The following DLST variants were observed in gnomAD, a reference collection of about 807,000 sequenced individuals.
DLST encodes the protein dihydrolipoyllysine-residue succinyltransferase component of 2-oxoglutarate dehydrogenase complex, mitochondrial.
DLST carries 17 observed loss-of-function variants against 53.1 expected under a neutral mutation model. The ratio of observed to expected loss-of-function variants is 0.32; its 90% CI spans 0.22 to 0.48. The LOEUF (loss-of-function observed/expected upper bound fraction) is 0.48, where lower values mean the gene tolerates loss of function less well. DLST is among the 20% of genes least tolerant of loss of function. The pLI is 0.99. For synonymous variants in DLST, 206 were observed against 204.8 expected (o/e 1.01, Z -0.05); for missense variants, 512 against 583.9 (o/e 0.88, Z 1.27).
rs1884289834 is a variant in DLST at position 74,902,419 on chromosome 14, T to C, written c.*89T>C. On this transcript the variant is annotated 3_prime_UTR_variant, in exon 15 of 15. Transcript: ENST00000334220. ...CCTCATGGGTCCCGGGTTAGCCTGG[T>C]GACAGGCAGACACATGCTGTTGGCC... 2.0e-6 allele frequency: 3 copies of C among 1,467,736 alleles called. No individual in the cohort carries two copies. The highest frequency in any genetic ancestry group is 1.4e-5 in the African/African-American group (1 of 71,550). 90.9% of individuals were successfully genotyped at this position (1,467,736 alleles called of 1,614,324 possible).
chr14:74,891,948 C>T (rs1353443167), intron 7 of DLST: 1 of 711,682 alleles, frequency 1.4e-6, no homozygotes. Context: ...TAGCACTAAC[C>T]CTGGATATAA....
intron 3 of DLST, 151 bp downstream of exon 3, chr14:74,885,785 A>G: frequency 1.4e-6 from 1 of 694,758 alleles, no homozygotes; most frequent in Middle Eastern, 2.9e-4. Flanking sequence ...CTCAATGTTC[A>G]CTTTTCCCAT....
intron 9 of DLST, 146 bp from the exon 10 acceptor site, chr14:74,894,166 A>T: frequency 2.2e-6 from 2 of 897,564 alleles, no homozygotes; most frequent in South Asian, 3.7e-5. Context: ...GGGCCACCAC[A>T]GGAAAGGGAA....
chr14:74,884,970 T>C (rs1883653431), intron 2 of DLST, among the ~76,000 whole-genome samples: 1 of 152,188 alleles, frequency 6.6e-6, no homozygotes, highest in Non-Finnish European at 1.5e-5. Context: ...TCTCACCTTG[T>C]TGAGAGTGAC....
chr14:74,888,296 A>G (rs868109508), intron 3 of DLST, among the ~76,000 whole-genome samples: 1 of 132,676 alleles, frequency 7.5e-6, no homozygotes, highest in South Asian at 2.3e-4. Context: ...TTTTTTTGGC[A>G]TAACACCTTG....
chr14:74,901,260 A>G (rs1884238487), intron 14 of DLST, 27 bp downstream of exon 14: 1 of 1,596,986 alleles, frequency 6.3e-7, no homozygotes, highest in African/African-American at 1.4e-5. Flanking sequence ...CTAAGGTCCT[A>G]GTGGCTAGGT....
chr14:74,899,843 A>T, intron 11 of DLST, 80 bp from the exon 12 acceptor site: 1 of 1,121,948 alleles, frequency 8.9e-7, no homozygotes, highest in Non-Finnish European at 1.3e-6. Flanking sequence ...GCAGATTTTT[A>T]CTCTGTTAAT....
rs79542217 is a variant in DLST at position 74,886,001 on chromosome 14, C to G, written c.146+367C>G. ...ATTGTGGAGATTGAGAGCATCCTCT[C>G]AGTAGCATAGTTACTCATTTTTAAA... is the stretch of plus-strand genomic sequence containing the variant. On this transcript the variant is annotated intron_variant, in intron 3 of 14. Transcript: ENST00000334220. 1,384 of 190,692 alleles carry G rather than the reference C, an allele frequency of 7.3e-3. 14 individuals are homozygous for G. The highest frequency in any genetic ancestry group is 0.031 in the African/African-American group (1,302 of 42,594). The allele number at this position is 190,692 out of a possible 1,614,324, so 11.8% of individuals were successfully genotyped here. A position where few individuals can be genotyped will look rare whatever the true frequency, so the allele number is the denominator to read the frequency against.
chr14:74,894,532 G>A, intron 10 of DLST, 123 bp downstream of exon 10: 1 of 1,095,230 alleles, frequency 9.1e-7, no homozygotes, highest in East Asian at 2.6e-5. Context: ...TTTGTTTATT[G>A]TTTTTTGTTT....
rs769083452 is a variant in DLST at position 74,892,959 on chromosome 14, C to T, written c.568C>T (p.Pro190Ser). The change falls in exon 8 of 15, where the codon CCC (proline) becomes TCC (serine). Residue 190 changes from proline (P) to serine (S), a missense_variant. Pro to Ser is a moderately conservative substitution (Grantham distance 74). Transcript: ENST00000334220. ...IPTQMPPVPSPSQPPSGKPVS... is the reference protein window; with the variant it reads ...IPTQMPPVPSSSQPPSGKPVS... ...CACTCAGATGCCACCGGTGCCCTCGCCCTCACAGCCTCCTTCTGGCAAACC... is the reference window on the plus strand; with the variant it reads ...CACTCAGATGCCACCGGTGCCCTCGTCCTCACAGCCTCCTTCTGGCAAACC... 2 of 1,612,630 alleles carry T rather than the reference C, an allele frequency of 1.2e-6. No homozygotes were observed. The highest frequency in any genetic ancestry group is 1.7e-6 in the Non-Finnish European group (2 of 1,179,548).
At chr14:74,882,542 G>T (rs564804514) in intron 1 of DLST, 49 bp from the exon 2 acceptor site, 95 of 1,572,804 alleles carry the variant, frequency 6.0e-5, no homozygotes, top group South Asian at 3.1e-4. Context: ...AAAAAGCTGG[G>T]TTTTTTTTTC....
Position 74,889,286 on chromosome 14 carries a change from G to T in DLST, c.211G>T (p.Val71Phe). The T allele has an allele frequency of 6.2e-7, 1 of 1,612,426 alleles. No homozygotes were observed. The highest frequency in any genetic ancestry group is 8.5e-7 in the Non-Finnish European group (1 of 1,179,822). ...TGCATTTTTCCTAGAGGATGACTTG[G>T]TTACAGTCAAAACCCCAGCGTTTGC... ...RTTAVCKDDLVTVKTPAFAES... is the reference protein window; with the variant it reads ...RTTAVCKDDLFTVKTPAFAES... Residue 71 changes from valine to phenylalanine, a missense_variant, in exon 5 of 15, where the codon GTT becomes TTT. By Grantham distance (50) the Val-to-Phe change is conservative. This residue lies in a region of DLST where 129 missense variants were observed against 90.9 expected (regional missense o/e 1.42). Coordinates refer to ENST00000334220, the MANE Select transcript of DLST (RefSeq NM_001933.5).
intron 3 of DLST, among the ~76,000 whole-genome samples, chr14:74,886,639 T>A (rs1440895300): frequency 2.0e-5 from 3 of 152,184 alleles, no homozygotes; most frequent in Non-Finnish European, 4.4e-5. Flanking sequence ...GCTGATTTTT[T>A]AAAATTTGAG....
At chr14:74,890,582 A>G (rs1883869710) in intron 6 of DLST, among the ~76,000 whole-genome samples, 1 of 152,170 alleles carries the variant, frequency 6.6e-6, no homozygotes, top group African/African-American at 2.4e-5. Context: ...AATGTTTCTG[A>G]GAAAGGACAG....
Position 74,881,961 on chromosome 14 carries a change from C to T in DLST, c.8C>T (p.Ser3Phe), listed in dbSNP as rs559601136. 12 of 1,566,262 alleles carry T rather than the reference C, an allele frequency of 7.7e-6. No individual in the cohort carries two copies. In the African/African-American group the frequency reaches 1.2e-4, roughly 16 times the overall value. ...CTCGGCTCCTCCGCCGTGATGCTGT[C>T]CCGATCCCGCTGTGTGTCTCGGGCG... is the stretch of plus-strand genomic sequence containing the variant. MLSRSRCVSRAFS... is the reference protein window; with the variant it reads MLFRSRCVSRAFS... The change falls in exon 1 of 15, where the codon TCC (serine) becomes TTC (phenylalanine). Residue 3 changes from serine to phenylalanine, a missense_variant. Around this residue, in one of 4 missense-constraint regions of DLST, gnomAD observed 129 missense variants for 90.9 expected, o/e 1.42. Transcript: ENST00000334220.
At chr14:74,900,964 A>T (rs1216974409) in intron 13 of DLST, 102 bp from the exon 14 acceptor site, 4 of 1,321,418 alleles carry the variant, frequency 3.0e-6, no homozygotes, top group Non-Finnish European at 4.2e-6. Flanking sequence ...GGCCTCAAGC[A>T]GTCCTCCTGC....
At chr14:74,902,116 T>C (rs1884268544) in intron 14 of DLST, 80 bp from the exon 15 acceptor site, 1 of 1,401,914 alleles carries the variant, frequency 7.1e-7, no homozygotes, top group Non-Finnish European at 9.5e-7. Context: ...GGAACTTTCT[T>C]ATGGGCTGTG....
Position 74,891,135 on chromosome 14 carries a change from G to T in DLST, c.410G>T (p.Gly137Val). Reference sequence around the variant, plus strand: ...CCTGATGGGGGAAAAGTCGAAGGAGGCACTCCACTTTTCACACTCAGGAAA... The same window carrying T: ...CCTGATGGGGGAAAAGTCGAAGGAGTCACTCCACTTTTCACACTCAGGAAA... ...LVPDGGKVEG[G>V]TPLFTLRKTG... The change falls in exon 7 of 15, where the codon GGC (glycine) becomes GTC (valine). Residue 137 changes from glycine (G) to valine (V), a missense_variant. This residue lies in a region of DLST where 162 missense variants were observed against 162.0 expected (regional missense o/e 1.00). Transcript: ENST00000334220. The T allele has an allele frequency of 6.2e-7, 1 of 1,614,108 alleles. No individual in the cohort carries two copies. Among genetic ancestry groups the T allele is most frequent in the Non-Finnish European group, 8.5e-7 (1 of 1,179,992 alleles).
At chr14:74,883,294 CAAAAAAAA>C (rs35879783) in intron 2 of DLST, among the ~76,000 whole-genome samples, 1 of 67,274 alleles carries the variant, frequency 1.5e-5, no homozygotes, top group African/African-American at 4.7e-5. Context: ...GACTCCATCT[CAAAAAAAA>C]AAAAAAAAAA....
Sources: allele counts gnomAD v4.1 joint callset (sites outside exome capture counted in the v4.1 genomes callset), GRCh38; gene constraint gnomAD v4.1.1; regional missense constraint gnomAD v4.1.1; transcripts MANE v1.5; gene names NCBI Gene and HGNC (gene_info 2026-07-23, HGNC 2026-07-21).